Variants in SLC36A2 observed in about 807,000 individuals in gnomAD.
SLC36A2 encodes the protein solute carrier family 36 member 2.
In SLC36A2, 39 loss-of-function variants were observed where a neutral mutation model predicts 42.7. The ratio of observed to expected loss-of-function variants is 0.91; its 90% CI spans 0.71 to 1.19. SLC36A2 has a LOEUF of 1.19. Ranked by LOEUF, SLC36A2 falls within the 50% of genes most tolerant of loss-of-function variation. The pLI, the probability that SLC36A2 is intolerant of heterozygous loss-of-function variation, is 0.00. For missense variants in SLC36A2, 590 were observed against 613.7 expected (o/e 0.96, Z 0.41); for synonymous variants, 237 against 240.8 (o/e 0.98, Z 0.15).
rs140044970 is a variant in SLC36A2 at position 151,322,100 on chromosome 5, G to A, written c.1126C>T (p.Arg376Cys). The change falls in exon 9 of 10, where the codon CGC (arginine) becomes TGC (cysteine). Residue 376 changes from arginine to cysteine, a missense_variant. Coordinates refer to ENST00000335244, the MANE Select transcript of SLC36A2 (RefSeq NM_181776.3). ...GACAGATCCAGAGGCAGTGCCCAGC[G>A]TGTTGACACCCGGGAGATGGCAAAG... is the stretch of plus-strand genomic sequence containing the variant. ...IPFAISRVSTRWALPLDLSIR... is the reference protein window; with the variant it reads ...IPFAISRVSTCWALPLDLSIR... 401 of 1,614,206 alleles carry A rather than the reference G, an allele frequency of 2.5e-4. 1 individual carries two copies. The East Asian group carries it at 8.2e-3, about 33-fold the overall frequency.
Position 151,322,108 on chromosome 5 carries a change from A to G in SLC36A2, c.1118T>C (p.Val373Ala), listed in dbSNP as rs566448195. ...CAGAGGCAGTGCCCAGCGTGTTGAC[A>G]CCCGGGAGATGGCAAAGGGGATGAT... ...EIIIPFAISRVSTRWALPLDL... is the reference protein window; with the variant it reads ...EIIIPFAISRASTRWALPLDL... The change falls in exon 9 of 10, where the codon GTG becomes GCG. Residue 373 changes from valine to alanine, a missense_variant. Transcript: ENST00000335244. 24 of 1,612,100 alleles carry G rather than the reference A, an allele frequency of 1.5e-5. 1 individual carries two copies. The highest frequency in any genetic ancestry group is 1.3e-4 in the Admixed American group (8 of 59,986).
chr5:151,332,258 T>A (rs557159903), intron 7 of SLC36A2, among the ~76,000 whole-genome samples: 1 of 152,338 alleles, frequency 6.6e-6, no homozygotes, highest in East Asian at 1.9e-4. Context: ...ATTTTTCTGA[T>A]AAGGATTTTG....
At chr5:151,338,394 A>C (rs1756217192) in intron 5 of SLC36A2, among the ~76,000 whole-genome samples, 1 of 147,268 alleles carries the variant, frequency 6.8e-6, no homozygotes. Flanking sequence ...TAGATGGCCC[A>C]AGGCTGGATG....
At chr5:151,343,095 A>G in intron 3 of SLC36A2, 112 bp from the exon 4 acceptor site, 4 of 856,214 alleles carry the variant, frequency 4.7e-6, no homozygotes, top group South Asian at 1.4e-5. Flanking sequence ...AGCAGAAAGA[A>G]CACAGGGGCA....
Position 151,335,426 on chromosome 5 carries a change from A to G in SLC36A2, c.647T>C (p.Val216Ala). ...CAAGATCCTGAGGTTCCGGATGAGG[A>G]CCAGCAGCACCAGGAAGGGCAGGAA... ...LSFLPFLVLL[V>A]LIRNLRILTI... is the part of the protein sequence containing the mutation. Residue 216 changes from valine (V) to alanine (A), a missense_variant, in exon 6 of 10, where the codon GTC becomes GCC. Coordinates refer to ENST00000335244, the MANE Select transcript of SLC36A2 (RefSeq NM_181776.3). 1 of 1,614,134 alleles carries G rather than the reference A, an allele frequency of 6.2e-7. No individual in the cohort carries two copies. Among genetic ancestry groups the G allele is most frequent in the Non-Finnish European group, 8.5e-7 (1 of 1,180,010 alleles).
At chr5:151,322,620 T>A (rs1755726825) in intron 8 of SLC36A2, among the ~76,000 whole-genome samples, 1 of 152,238 alleles carries the variant, frequency 6.6e-6, no homozygotes. Flanking sequence ...AAGACTCTAG[T>A]CCTTTGTGAT....
At chr5:151,321,767 C>G in intron 9 of SLC36A2, 2 of 403,318 alleles carry the variant, frequency 5.0e-6, no homozygotes, top group South Asian at 2.0e-5. Flanking sequence ...CAACCTCTGC[C>G]CTACATGTTC....
intron 4 of SLC36A2, among the ~76,000 whole-genome samples, chr5:151,340,806 G>C (rs934648243): frequency 6.6e-6 from 1 of 152,146 alleles, no homozygotes; most frequent in Non-Finnish European, 1.5e-5. Flanking sequence ...GTGTGGATGG[G>C]ATGTAAGGCA....
At position 151,323,775 on chromosome 5, in the gene SLC36A2, C is replaced by A. The variant is rs958193254; in HGVS notation, c.1010+1511G>T. Among the ~76,000 whole-genome samples, 6 of 152,290 alleles carry A rather than the reference C, an allele frequency of 3.9e-5. No homozygotes were observed. In the East Asian group the frequency reaches 7.7e-4, roughly 20 times the overall value. ...CTATCTGTTCCTCCCCCATTCCCAC[C>A]GGATCAGGAGCCGGCGAAGATAGTG... On this transcript the variant is annotated intron_variant, in intron 8 of 9. Coordinates refer to ENST00000335244, the MANE Select transcript of SLC36A2 (RefSeq NM_181776.3).
chr5:151,343,514 T>TA lies in SLC36A2; in HGVS notation c.339dup (p.Lys114Ter). 1 of 1,614,120 alleles carries TA rather than the reference T, an allele frequency of 6.2e-7. No homozygotes were observed. On this transcript the variant is annotated frameshift_variant, in exon 3 of 10. Transcript: ENST00000335244. LOFTEE classifies it high-confidence loss of function. ...CAAGGAGGCTGTTTTCCTCACCTCT[T>TA]ACAGAAGCGCTGGGCACACTTGACC...
chr5:151,347,305 C>G lies in SLC36A2; in HGVS notation c.156G>C (p.Lys52Asn). ...CAGAAAACAGCACTCACGTTATGCC[C>G]TTGGTCTTCTTCAAGCCTGCTGACT... ...PSESAGLKKT[K>N]GITVFQALIH... The change falls in exon 1 of 10, where the codon AAG (lysine) becomes AAC (asparagine). Residue 52 changes from lysine to asparagine, a missense_variant. By Grantham distance (94) the Lys-to-Asn change is moderately conservative (BLOSUM62 0). Coordinates refer to ENST00000335244, the MANE Select transcript of SLC36A2 (RefSeq NM_181776.3). 6.2e-7 allele frequency: 1 copy of G among 1,614,186 alleles called. No homozygotes were observed. The highest frequency in any genetic ancestry group is 8.5e-7 in the Non-Finnish European group (1 of 1,180,024).
chr5:151,325,244 C>G, intron 8 of SLC36A2, 42 bp downstream of exon 8: 1 of 1,604,108 alleles, frequency 6.2e-7, no homozygotes, highest in Non-Finnish European at 8.5e-7. Flanking sequence ...TACGTTTCCA[C>G]CCATTCCTGA....
chr5:151,344,165 C>T lies in SLC36A2; in HGVS notation c.255+12G>A, dbSNP rs371629368. 3.5e-5 allele frequency: 56 copies of T among 1,612,470 alleles called. No homozygotes were observed. The highest frequency in any genetic ancestry group is 4.4e-5 in the South Asian group (4 of 90,830). On this transcript the variant is annotated intron_variant, in intron 2 of 9. Transcript: ENST00000335244. ...CTGACCATAAAGCCCCCACATGTGG[C>T]GCCTCTCTTACCAGGATGCCCGCGT... is the stretch of plus-strand genomic sequence containing the variant.
intron 9 of SLC36A2, among the ~76,000 whole-genome samples, chr5:151,317,564 A>G (rs1240909642): frequency 1.3e-5 from 2 of 151,984 alleles, no homozygotes; most frequent in Non-Finnish European, 2.9e-5. Context: ...CATATTCCCT[A>G]GAAGTTACAT....
chr5:151,325,542 A>C, intron 7 of SLC36A2, 90 bp from the exon 8 acceptor site: 1 of 1,345,440 alleles, frequency 7.4e-7, no homozygotes, highest in Non-Finnish European at 1.0e-6. Context: ...ACCCCAAAGA[A>C]CTGAAAGCAG....
At chr5:151,347,032 A>C (rs114173922) in intron 1 of SLC36A2, among the ~76,000 whole-genome samples, 3 of 152,150 alleles carry the variant, frequency 2.0e-5, no homozygotes, top group Non-Finnish European at 4.4e-5. Flanking sequence ...TTATCCTGCC[A>C]ATGACTCAGT....
intron 1 of SLC36A2, 34 bp from the exon 2 acceptor site, chr5:151,344,301 G>GTGGT: frequency 6.4e-7 from 1 of 1,560,722 alleles, no homozygotes; most frequent in Non-Finnish European, 8.8e-7. Flanking sequence ...AAGTATGGGT[G>GTGGT]TGTGGAGGTG....
At position 151,325,447 on chromosome 5, in the gene SLC36A2, C is replaced by G. The variant is rs1374991298; in HGVS notation, c.849G>C (p.Leu283=). 3.1e-6 allele frequency: 5 copies of G among 1,613,868 alleles called. No homozygotes were observed. Among genetic ancestry groups the G allele is most frequent in the African/African-American group, 2.7e-5 (2 of 74,902 alleles). The change falls in exon 8 of 10, where the codon CTG becomes CTC. Residue 283 remains leucine, a synonymous_variant. Transcript: ENST00000335244. The part of the protein sequence containing the change: ...IFSFESIGVV[L]PLENKMKNAR... Reference sequence around the variant, plus strand: ...CATTCTTCATCTTGTTTTCCAGAGGCAGAACCTACAGAAACATCACAATGT... The same window carrying G: ...CATTCTTCATCTTGTTTTCCAGAGGGAGAACCTACAGAAACATCACAATGT...
Position 151,344,279 on chromosome 5 carries a change from G to C in SLC36A2, c.165-12C>G, listed in dbSNP as rs199532078. The C allele has an allele frequency of 5.8e-4, 940 of 1,607,614 alleles. 1 individual carries two copies. Among genetic ancestry groups the C allele is most frequent in the Non-Finnish European group, 7.6e-4 (896 of 1,174,814 alleles). ...AGGCCTGGAACACTCTAAAGGAGAG[G>C]AAGGAGATGTGAAGTATGGGTGTGT... is the stretch of plus-strand genomic sequence containing the variant. On this transcript the variant is annotated splice_polypyrimidine_tract_variant and intron_variant, in intron 1 of 9. Coordinates refer to ENST00000335244, the MANE Select transcript of SLC36A2 (RefSeq NM_181776.3).
Sources: gnomAD v4.1 joint callset for allele counts (sites outside exome capture counted in the v4.1 genomes callset) on GRCh38, gnomAD v4.1.1 for gene constraint, MANE v1.5 for transcripts, NCBI Gene and HGNC (gene_info 2026-07-23, HGNC 2026-07-21) for gene names.